Variants in ADCY2 observed in about 807,000 individuals in gnomAD.
ADCY2 encodes adenylate cyclase type 2.
A neutral mutation model predicts 125.2 loss-of-function variants in ADCY2; 31 were observed. The observed-to-expected ratio is 0.25, with a 90% CI of 0.19 to 0.33. The LOEUF (loss-of-function observed/expected upper bound fraction) is 0.33. Ranked by LOEUF, ADCY2 falls within the 10% of genes least tolerant of loss-of-function variation. The pLI, the probability that ADCY2 is intolerant of heterozygous loss-of-function variation, is 1.00. For synonymous variants in ADCY2, 512 were observed against 548.4 expected (o/e 0.93, Z 0.93); for missense variants, 904 against 1,418.2 (o/e 0.64, Z 5.82).
intron 17 of ADCY2, among the ~76,000 whole-genome samples, chr5:7,771,854 A>G (rs1743565700): frequency 6.6e-6 from 1 of 152,246 alleles, no homozygotes; most frequent in Admixed American, 6.5e-5. Context: ...ACAAGGTTTA[A>G]AAAACATCAA....
At chr5:7,415,620 T>A (rs557574374) in intron 2 of ADCY2, among the ~76,000 whole-genome samples, 1 of 152,270 alleles carries the variant, frequency 6.6e-6, no homozygotes, top group East Asian at 1.9e-4. Flanking sequence ...CTCCACATGG[T>A]CACAAGCTAT....
chr5:7,761,129 A>ATTTTT (rs1560959267), intron 16 of ADCY2, among the ~76,000 whole-genome samples: 1 of 99,542 alleles, frequency 1.0e-5, no homozygotes, highest in Admixed American at 1.1e-4. Context: ...GTGTATCAAA[A>ATTTTT]TTTCTTTTCT....
chr5:7,552,335 C>G (rs1384936896), intron 3 of ADCY2, among the ~76,000 whole-genome samples: 1 of 152,210 alleles, frequency 6.6e-6, no homozygotes, highest in African/African-American at 2.4e-5. Flanking sequence ...GATTCTGAGT[C>G]TTTCATCAGT....
chr5:7,805,715 G>T (rs553018097), intron 22 of ADCY2, among the ~76,000 whole-genome samples: 1 of 152,158 alleles, frequency 6.6e-6, no homozygotes, highest in Non-Finnish European at 1.5e-5. Context: ...GAGTGAGAGT[G>T]GGGAGAGAGG....
chr5:7,811,466 A>G (rs1470711388), intron 22 of ADCY2, among the ~76,000 whole-genome samples: 1 of 151,030 alleles, frequency 6.6e-6, no homozygotes, highest in Non-Finnish European at 1.5e-5. Context: ...CCGCCACTGC[A>G]CTCCAGCCTG....
intron 3 of ADCY2, among the ~76,000 whole-genome samples, chr5:7,567,900 A>G (rs1735951835): frequency 6.6e-6 from 1 of 151,362 alleles, no homozygotes; most frequent in Non-Finnish European, 1.5e-5. Context: ...CAAAGCTGAG[A>G]TGCAACAAAG....
chr5:7,821,110 A>G (rs549966117), intron 24 of ADCY2, among the ~76,000 whole-genome samples: 1 of 152,274 alleles, frequency 6.6e-6, no homozygotes, highest in South Asian at 2.1e-4. Context: ...GGGAAGTGGT[A>G]GGCTTCGGAG....
chr5:7,579,877 CATTGG>C (rs774620035), intron 3 of ADCY2, among the ~76,000 whole-genome samples: 1 of 152,110 alleles, frequency 6.6e-6, no homozygotes, highest in Non-Finnish European at 1.5e-5. Flanking sequence ...TGGCCACCAG[CATTGG>C]ATTGGACAAA....
At chr5:7,795,673 A>G (rs1370332282) in intron 20 of ADCY2, 38 of 152,264 alleles carry the variant, frequency 2.5e-4, no homozygotes, top group Admixed American at 2.5e-3. Context: ...TTCTGGAAAT[A>G]ATACAGGAAA....
At chr5:7,633,435 C>CAA (rs1252946427) in intron 4 of ADCY2, among the ~76,000 whole-genome samples, 1 of 96,130 alleles carries the variant, frequency 1.0e-5, no homozygotes, top group Non-Finnish European at 2.2e-5. Flanking sequence ...GACTCCATCT[C>CAA]AAAAAAAAGA....
At chr5:7,771,351 C>T (rs544344138) in intron 17 of ADCY2, among the ~76,000 whole-genome samples, 6 of 152,276 alleles carry the variant, frequency 3.9e-5, no homozygotes, top group East Asian at 3.9e-4. Flanking sequence ...GACTTGACAT[C>T]GGGCAATTGC....
chr5:7,785,261 A>G (rs1005556073), intron 19 of ADCY2, among the ~76,000 whole-genome samples: 5 of 152,174 alleles, frequency 3.3e-5, no homozygotes, highest in Admixed American at 3.3e-4. Context: ...GTTGGCTTCC[A>G]GTTCTCCCCA....
intron 2 of ADCY2, among the ~76,000 whole-genome samples, chr5:7,465,014 C>T (rs965536626): frequency 1.3e-5 from 2 of 152,070 alleles, no homozygotes; most frequent in Admixed American, 6.6e-5. Flanking sequence ...AGAATGAGCG[C>T]CAAGTGAAAG....
At chr5:7,638,885 G>A (rs1247643720) in intron 4 of ADCY2, among the ~76,000 whole-genome samples, 1 of 152,156 alleles carries the variant, frequency 6.6e-6, no homozygotes, top group Non-Finnish European at 1.5e-5. Flanking sequence ...GTCTAGCTGG[G>A]AGATCACTGA....
At chr5:7,428,136 G>T (rs1319755007) in intron 2 of ADCY2, among the ~76,000 whole-genome samples, 1 of 152,160 alleles carries the variant, frequency 6.6e-6, no homozygotes, top group Non-Finnish European at 1.5e-5. Context: ...AGCTTTTCAG[G>T]TTTTAGGTTT....
intron 2 of ADCY2, among the ~76,000 whole-genome samples, chr5:7,467,814 C>T (rs1247594511): frequency 6.6e-6 from 1 of 152,116 alleles, no homozygotes; most frequent in African/African-American, 2.4e-5. Context: ...TTTTCTAATG[C>T]ATATTGGGAA....
intron 3 of ADCY2, among the ~76,000 whole-genome samples, chr5:7,584,644 T>TA (rs1277273592): frequency 1.3e-5 from 2 of 152,232 alleles, no homozygotes; most frequent in Non-Finnish European, 2.9e-5. Flanking sequence ...CTGAAATTGA[T>TA]AAAAAAATTA....
At position 7,396,447 on chromosome 5, in the gene ADCY2, C is replaced by T. The variant is rs1160511737; in HGVS notation, c.151C>T (p.Leu51=). 5.7e-6 allele frequency: 9 copies of T among 1,578,492 alleles called. 1 individual carries two copies. In the South Asian group the frequency reaches 1.0e-4, roughly 18 times the overall value. Residue 51 remains leucine (L), a synonymous_variant, in exon 1 of 25, where the codon CTG becomes TTG. Coordinates refer to ENST00000338316, the MANE Select transcript of ADCY2 (RefSeq NM_020546.3). This position sits in a 1 kb window ranked among gnomAD's most constrained non-coding sequence, Gnocchi z 5.7. The part of the protein sequence containing the change: ...SQQHPLIVFL[L]LIVMGSCLAL... ...GCAGCACCCGCTCATCGTCTTCCTG[C>T]TGCTCATCGTCATGGGCTCCTGCCT...
chr5:7,710,538 T>C (rs1035651487), intron 10 of ADCY2, among the ~76,000 whole-genome samples: 2 of 151,816 alleles, frequency 1.3e-5, no homozygotes, highest in African/African-American at 4.8e-5. Context: ...AATGAGTGAA[T>C]AGGAAGAGGA....
Sources: allele counts gnomAD v4.1 joint callset (sites outside exome capture counted in the v4.1 genomes callset), GRCh38; gene constraint gnomAD v4.1.1; non-coding constraint Gnocchi (gnomAD v3.1); transcripts MANE v1.5; gene names NCBI Gene and HGNC (gene_info 2026-07-23, HGNC 2026-07-21).